DCAF6: variants seen among roughly 807,000 people sequenced by gnomAD.
The protein encoded by DCAF6 is DDB1- and CUL4-associated factor 6.
DCAF6 carries 54 observed loss-of-function variants against 125.1 expected under a neutral mutation model. The ratio of observed to expected loss-of-function variants is 0.43; its 90% confidence interval spans 0.35 to 0.54. The LOEUF (loss-of-function observed/expected upper bound fraction) is 0.54, where lower values mean the gene tolerates loss of function less well. Among genes scored for constraint, DCAF6 ranks in the 20% least tolerant of loss-of-function variants. DCAF6 has a pLI of 0.01. For missense variants in DCAF6, 934 were observed against 1,161.7 expected (o/e 0.80, Z 2.85); for synonymous variants, 371 against 390.4 (o/e 0.95, Z 0.58).
the DCAF6 span, among the ~76,000 whole-genome samples, chr1:167,868,855 A>G: frequency 1.3e-5 from 2 of 152,230 alleles, no homozygotes; most frequent in Admixed American, 1.3e-4. Context: ...TTACATGCTC[A>G]ACTGAATCAT....
intron 10 of DCAF6, among the ~76,000 whole-genome samples, chr1:168,014,893 AAAT>A (rs1395376488): frequency 6.6e-6 from 1 of 152,136 alleles, no homozygotes; most frequent in South Asian, 2.1e-4. Context: ...GCCATATATA[AAAT>A]AACCCTTGCC....
the DCAF6 span, among the ~76,000 whole-genome samples, chr1:167,872,332 C>G: frequency 2.0e-5 from 3 of 150,438 alleles, no homozygotes; most frequent in African/African-American, 7.4e-5. Context: ...GAGCAAAACT[C>G]CATCTCAAAA....
chr1:167,874,840 TTGAG>T, the DCAF6 span, among the ~76,000 whole-genome samples: 1 of 152,166 alleles, frequency 6.6e-6, no homozygotes, highest in South Asian at 2.1e-4. Context: ...TAACATACCA[TTGAG>T]TAAGAGAAAG....
At position 168,050,903 on chromosome 1, in the gene DCAF6, G is replaced by A; in HGVS notation, c.2270G>A (p.Arg757Lys). The change falls in exon 17 of 22, where the codon AGA (arginine) becomes AAA (lysine). Residue 757 changes from arginine to lysine, a missense_variant. Physicochemically the swap from Arg to Lys is conservative, Grantham distance 26. This residue lies in a region of DCAF6 where 559 missense variants were observed against 635.5 expected (regional missense o/e 0.88). Coordinates refer to ENST00000367840, the MANE Select transcript of DCAF6 (RefSeq NM_001198956.2). Reference protein sequence around the residue: ...RAGPGDRFNIRGTTIGDRIMR... With the variant: ...RAGPGDRFNIKGTTIGDRIMR... ...GTTCCCTTCACTAGATTTAATATCAGAGGAACAACAATAGGTGATAGAATA... is the reference window on the plus strand; with the variant it reads ...GTTCCCTTCACTAGATTTAATATCAAAGGAACAACAATAGGTGATAGAATA... 1 of 1,379,852 alleles carries A rather than the reference G, an allele frequency of 7.2e-7. No homozygotes were observed. Among genetic ancestry groups the A allele is most frequent in the Admixed American group, 2.6e-5 (1 of 39,168 alleles). The allele number at this position is 1,379,852 out of a possible 1,614,324, so 85.5% of individuals were successfully genotyped here. A position where few individuals can be genotyped will look rare whatever the true frequency, so the allele number is the denominator to read the frequency against.
chr1:167,881,373 C>G, the DCAF6 span, among the ~76,000 whole-genome samples: 2 of 152,124 alleles, frequency 1.3e-5, no homozygotes, highest in East Asian at 1.9e-4. Flanking sequence ...ATGTTACATC[C>G]TGATAAAATG....
chr1:167,962,384 T>A (rs1469283234), intron 2 of DCAF6, among the ~76,000 whole-genome samples: 1 of 152,072 alleles, frequency 6.6e-6, no homozygotes, highest in African/African-American at 2.4e-5. Context: ...GTTAAGCACA[T>A]ACATGTTAGG....
chr1:167,956,119 CTTG>C (rs975082650), intron 2 of DCAF6, among the ~76,000 whole-genome samples: 26 of 152,056 alleles, frequency 1.7e-4, no homozygotes, highest in Admixed American at 1.4e-3. Flanking sequence ...TTCATGGATG[CTTG>C]TTGTCAGGTT....
intron 17 of DCAF6, among the ~76,000 whole-genome samples, chr1:168,057,499 A>C (rs1691029339): frequency 1.3e-5 from 2 of 152,200 alleles, no homozygotes; most frequent in African/African-American, 4.8e-5. Flanking sequence ...TGTTTCTTCC[A>C]AATAGAATAA....
intron 2 of DCAF6, among the ~76,000 whole-genome samples, chr1:167,958,147 G>A (rs968686097): frequency 1.3e-5 from 2 of 151,916 alleles, no homozygotes; most frequent in African/African-American, 4.8e-5. Flanking sequence ...TTTAATTTTG[G>A]TGAAGTCTAA....
At chr1:167,870,352 G>T in the DCAF6 span, 1 of 1,613,504 alleles carries the variant, frequency 6.2e-7, no homozygotes, top group Non-Finnish European at 8.5e-7. Flanking sequence ...CTTGGCTGCT[G>T]TTAGATATCA....
intron 8 of DCAF6, 123 bp downstream of exon 8, chr1:168,002,698 T>G (rs1682810949): frequency 1.6e-6 from 1 of 614,562 alleles, no homozygotes; most frequent in Admixed American, 3.4e-5. Context: ...TAGGTATACT[T>G]ATGCAAATAT....
chr1:168,040,662 T>A lies in DCAF6; in HGVS notation c.1727+2174T>A, dbSNP rs151151815. Among the ~76,000 whole-genome samples, 56 of 151,682 alleles carry A rather than the reference T, an allele frequency of 3.7e-4. No homozygotes were observed. In the East Asian group the frequency reaches 0.011, roughly 29 times the overall value. On this transcript the variant is annotated intron_variant, in intron 13 of 21. Transcript: ENST00000367840. ...ACTTATCACGTCTTTTCCATTCTCA[T>A]GTTTCTGTACACAAGGAGCTGGCAT...
intron 16 of DCAF6, among the ~76,000 whole-genome samples, chr1:168,048,762 C>T (rs1048357763): frequency 1.1e-4 from 16 of 152,078 alleles, no homozygotes. Context: ...GGCCAGGAGA[C>T]AAAATGGAGA....
At chr1:167,939,501 G>A (rs374288746) in intron 1 of DCAF6, among the ~76,000 whole-genome samples, 13 of 152,174 alleles carry the variant, frequency 8.5e-5, no homozygotes, top group Middle Eastern at 3.4e-3. Context: ...GGTGGCTTAC[G>A]CCTGGAATCC....
the DCAF6 span, among the ~76,000 whole-genome samples, chr1:167,922,744 A>G: frequency 6.6e-6 from 1 of 152,180 alleles, no homozygotes; most frequent in Non-Finnish European, 1.5e-5. Flanking sequence ...AGCCAATTCC[A>G]ACTCTAACAT....
intron 3 of DCAF6, among the ~76,000 whole-genome samples, chr1:167,971,158 A>C (rs1311377773): frequency 6.6e-6 from 1 of 151,990 alleles, no homozygotes; most frequent in East Asian, 1.9e-4. Flanking sequence ...TCTCCCATCT[A>C]CTTGGTAAAT....
chr1:168,043,713 G>A (rs12121305), intron 14 of DCAF6, among the ~76,000 whole-genome samples: 2 of 152,186 alleles, frequency 1.3e-5, no homozygotes, highest in African/African-American at 4.8e-5. Flanking sequence ...TAAATGTGTA[G>A]GTACCTTAGT....
At chr1:167,910,175 G>C in the DCAF6 span, among the ~76,000 whole-genome samples, 1 of 152,120 alleles carries the variant, frequency 6.6e-6, no homozygotes, top group Non-Finnish European at 1.5e-5. Flanking sequence ...TCTGTGGCTC[G>C]TCCTGCTACA....
chr1:167,940,383 G>C (rs1023787633), intron 1 of DCAF6, among the ~76,000 whole-genome samples: 2 of 152,010 alleles, frequency 1.3e-5, no homozygotes, highest in South Asian at 4.1e-4. Context: ...GGTGGGAGGC[G>C]GGGGGCAGGG....
Sources: allele counts gnomAD v4.1 joint callset (sites outside exome capture counted in the v4.1 genomes callset), GRCh38; gene constraint gnomAD v4.1.1; regional missense constraint gnomAD v4.1.1; transcripts MANE v1.5; gene names NCBI Gene and HGNC (gene_info 2026-07-23, HGNC 2026-07-21).